Variants in SFMBT2 observed in about 807,000 individuals in gnomAD.
The protein encoded by SFMBT2 is Scm like with four mbt domains 2, also known as scm-like with four MBT domains protein 2.
In SFMBT2, 38 loss-of-function variants were observed where a neutral mutation model predicts 110.1. That is an observed-to-expected ratio of 0.35 (90% CI 0.27 to 0.45). The LOEUF is 0.45. Among genes scored for constraint, SFMBT2 ranks in the 20% least tolerant of loss-of-function variants. The pLI, the probability that SFMBT2 is intolerant of heterozygous loss-of-function variation, is 1.00. For synonymous variants in SFMBT2, 425 were observed against 425.4 expected, an observed-to-expected ratio of 1.00 and a Z score of 0.01; for missense variants, 1,011 against 1,094.9, an observed-to-expected ratio of 0.92 and a Z score of 1.08.
chr10:7,308,266 A>G (rs1389305894), intron 4 of SFMBT2, among the ~76,000 whole-genome samples: 1 of 152,134 alleles, frequency 6.6e-6, no homozygotes, highest in East Asian at 1.9e-4. Context: ...GGCTGATGCC[A>G]TAGGATCATT....
At chr10:7,175,319 G>C (rs571228772) in intron 17 of SFMBT2, among the ~76,000 whole-genome samples, 1 of 152,226 alleles carries the variant, frequency 6.6e-6, no homozygotes, top group African/African-American at 2.4e-5. Context: ...AAGAAAGAAG[G>C]GCAGGGCTCA....
chr10:7,338,194 C>G (rs1307328078), intron 4 of SFMBT2, among the ~76,000 whole-genome samples: 1 of 152,200 alleles, frequency 6.6e-6, no homozygotes, highest in Non-Finnish European at 1.5e-5. Context: ...GAGGGAAAAT[C>G]AATTCATCTC....
chr10:7,311,253 A>T (rs529962834), intron 4 of SFMBT2, among the ~76,000 whole-genome samples: 63 of 152,222 alleles, frequency 4.1e-4, no homozygotes, highest in Middle Eastern at 3.4e-3. Context: ...TACTAAGAAC[A>T]TAATTGCCCT....
intron 4 of SFMBT2, among the ~76,000 whole-genome samples, chr10:7,287,864 T>A (rs978154139): frequency 2.0e-5 from 3 of 152,186 alleles, no homozygotes; most frequent in Non-Finnish European, 4.4e-5. Context: ...TTGAATAATT[T>A]ACTCAATTTC....
intron 16 of SFMBT2, among the ~76,000 whole-genome samples, chr10:7,187,771 G>C (rs1328360187): frequency 1.3e-5 from 2 of 152,130 alleles, no homozygotes; most frequent in African/African-American, 4.8e-5. Context: ...GAATAGGGCA[G>C]GTGCCTTCTC....
In SFMBT2 at chr10:7,220,551, G is replaced by A. The variant is rs778727890; in HGVS notation, c.1204-14C>T. On this transcript the variant is annotated splice_polypyrimidine_tract_variant and intron_variant, in intron 10 of 20. Transcript: ENST00000397167. ...ACTGAATGATGTCTGCAAGAGAAAC[G>A]AGACCAACACTGAGCCAGTGCTGAC... The A allele has an allele frequency of 3.1e-6, 5 of 1,613,924 alleles. No homozygotes were observed. The highest frequency in any genetic ancestry group is 1.1e-5 in the South Asian group (1 of 91,066).
intron 1 of SFMBT2, among the ~76,000 whole-genome samples, chr10:7,398,782 G>A (rs778603356): frequency 1.7e-4 from 26 of 152,146 alleles, no homozygotes; most frequent in Non-Finnish European, 3.5e-4. Context: ...AAAGAGCTAA[G>A]TAAACCTTAT....
chr10:7,394,226 A>T (rs1845858719), intron 1 of SFMBT2, among the ~76,000 whole-genome samples: 1 of 152,066 alleles, frequency 6.6e-6, no homozygotes, highest in Non-Finnish European at 1.5e-5. Flanking sequence ...CAATCCACCC[A>T]CCAGCACGCC....
chr10:7,236,912 C>T (rs187271510), intron 9 of SFMBT2, among the ~76,000 whole-genome samples: 3 of 152,236 alleles, frequency 2.0e-5, no homozygotes, highest in East Asian at 3.9e-4. Context: ...ACTACTTCTA[C>T]GATCAAAAGA....
chr10:7,250,552 A>T (rs915757858), intron 7 of SFMBT2, among the ~76,000 whole-genome samples: 9 of 152,138 alleles, frequency 5.9e-5, no homozygotes, highest in African/African-American at 1.9e-4. Flanking sequence ...TGAATGTGTG[A>T]GTGCTTGTGT....
chr10:7,407,932 G>A (rs1846261906), intron 1 of SFMBT2, among the ~76,000 whole-genome samples: 1 of 152,222 alleles, frequency 6.6e-6, no homozygotes, highest in Non-Finnish European at 1.5e-5. Flanking sequence ...CTAGGTGCCA[G>A]AGCGGTGGTC....
chr10:7,227,804 G>A (rs768820050), intron 10 of SFMBT2, 51 bp downstream of exon 10: 1 of 1,519,374 alleles, frequency 6.6e-7, no homozygotes, highest in African/African-American at 1.4e-5. Flanking sequence ...AAAACTTACG[G>A]TAGACAAAAT....
chr10:7,291,830 C>T (rs771469658), intron 4 of SFMBT2, among the ~76,000 whole-genome samples: 9 of 152,114 alleles, frequency 5.9e-5, no homozygotes, highest in Non-Finnish European at 1.2e-4. Context: ...CTTGGTTGTA[C>T]CCACGGCAGG....
At chr10:7,344,020 T>C (rs56015537) in intron 4 of SFMBT2, among the ~76,000 whole-genome samples, 2,293 of 152,346 alleles carry the variant, frequency 0.015, 26 homozygotes, top group Non-Finnish European at 0.022. Context: ...ATTATTCATA[T>C]GCTCTGAAAG....
In SFMBT2 at chr10:7,376,980, C is replaced by A. The variant is rs545740153; in HGVS notation, c.100+4819G>T. Among the ~76,000 whole-genome samples, 5 of 151,238 alleles carry A rather than the reference C, an allele frequency of 3.3e-5. No individual in the cohort carries two copies. The South Asian group carries it at 8.3e-4, about 25-fold the overall frequency. ...GGTCAGGAGATCGAGACCGTCCTGG[C>A]TAACATGGTGAAACCCCATCTCTAC... On this transcript the variant is annotated intron_variant, in intron 2 of 20. Coordinates refer to ENST00000397167, the MANE Select transcript of SFMBT2 (RefSeq NM_001387889.1).
At chr10:7,390,207 A>C (rs1845728222) in intron 1 of SFMBT2, among the ~76,000 whole-genome samples, 1 of 152,152 alleles carries the variant, frequency 6.6e-6, no homozygotes, top group African/African-American at 2.4e-5. Context: ...TGAACTAGGC[A>C]CATGTGGGTA....
rs181900357 is a variant in SFMBT2, at chr10:7,306,104, C to T, written c.437-20150G>A. On this transcript the variant is annotated intron_variant, in intron 4 of 20. Coordinates refer to ENST00000397167, the MANE Select transcript of SFMBT2 (RefSeq NM_001387889.1). ...AAGCCATACCTGTACCTTAATGTTGCAAAGATTCAATTTATGTTCATAGGG... is the reference window on the plus strand; with the variant it reads ...AAGCCATACCTGTACCTTAATGTTGTAAAGATTCAATTTATGTTCATAGGG... 2.0e-5 allele frequency among the ~76,000 whole-genome samples: 3 copies of T among 152,304 alleles called. No homozygotes were observed. In the East Asian group the frequency reaches 5.8e-4, roughly 29 times the overall value.
intron 1 of SFMBT2, among the ~76,000 whole-genome samples, chr10:7,410,111 A>G (rs1846332222): frequency 6.6e-6 from 1 of 152,228 alleles, no homozygotes; most frequent in Non-Finnish European, 1.5e-5. Flanking sequence ...TCAAGTCAGC[A>G]ATTTTGAAAG....
intron 4 of SFMBT2, among the ~76,000 whole-genome samples, chr10:7,323,450 CAA>C (rs1388420156): frequency 1.3e-4 from 3 of 22,888 alleles, no homozygotes; most frequent in Non-Finnish European, 2.7e-4. Context: ...GACTCCATCT[CAA>C]AAAAAAAAAA....
Sources: gnomAD v4.1 joint callset for allele counts (sites outside exome capture counted in the v4.1 genomes callset) on GRCh38, gnomAD v4.1.1 for gene constraint, MANE v1.5 for transcripts, NCBI Gene and HGNC (gene_info 2026-07-23, HGNC 2026-07-21) for gene names.